Variants in LIPA observed in about 807,000 individuals in gnomAD.
The protein encoded by LIPA is lipase A, lysosomal acid type.
A neutral mutation model predicts 40.6 loss-of-function variants in LIPA; 26 were observed. The observed-to-expected ratio is 0.64, with a 90% confidence interval of 0.47 to 0.89. LIPA has a LOEUF of 0.89. LIPA is among the 40% of genes least tolerant of loss of function. The pLI is 0.00. For synonymous variants in LIPA, 188 were observed against 168.4 expected (o/e 1.12, Z -0.90); for missense variants, 455 against 479.6 (o/e 0.95, Z 0.48).
In LIPA at chr10:89,247,645, T is replaced by G. The variant is rs759457345; in HGVS notation, c.4A>C (p.Lys2Gln). 5 of 1,595,172 alleles carry G rather than the reference T, an allele frequency of 3.1e-6. No homozygotes were observed. The highest frequency in any genetic ancestry group is 3.4e-6 in the Non-Finnish European group (4 of 1,162,902). Residue 2 changes from lysine (K) to glutamine (Q), a missense_variant, in exon 2 of 10, where the codon AAA becomes CAA. Transcript: ENST00000336233. M[K>Q]MRFLGLVVCL... ...ACCACCAACCCCAAGAACCGCATTT[T>G]CATTCTGTATAATAAAACAGTCTAT...
chr10:89,292,526 A>G (rs996913865), intron 1 of LIPA: 4 of 152,274 alleles, frequency 2.6e-5, no homozygotes, highest in Admixed American at 2.0e-4. Flanking sequence ...GGTAAATGGT[A>G]TGGGTGGCAG....
intron 1 of LIPA, among the ~76,000 whole-genome samples, chr10:89,287,886 G>T (rs1034349192): frequency 6.6e-6 from 1 of 151,906 alleles, no homozygotes; most frequent in Non-Finnish European, 1.5e-5. Flanking sequence ...TGCCCAACTC[G>T]TACACTCTTT....
At chr10:89,249,907 A>G (rs528043220) in intron 1 of LIPA, among the ~76,000 whole-genome samples, 56 of 152,202 alleles carry the variant, frequency 3.7e-4, no homozygotes, top group African/African-American at 1.3e-3. Context: ...ATACTCCAAT[A>G]CAGCTGTTTG....
intron 2 of LIPA, among the ~76,000 whole-genome samples, chr10:89,355,874 T>C (rs1288720365): frequency 2.6e-5 from 4 of 152,206 alleles, no homozygotes; most frequent in African/African-American, 9.6e-5. Flanking sequence ...AGTTAACCTA[T>C]ATGGTCTAAA....
upstream of LIPA, among the ~76,000 whole-genome samples, chr10:89,346,333 T>A (rs75548312): frequency 5.7e-3 from 869 of 152,284 alleles, 12 homozygotes; most frequent in African/African-American, 0.02. Context: ...AATCAACTAA[T>A]CTACAAGTCT....
intron 1 of LIPA, among the ~76,000 whole-genome samples, chr10:89,337,148 G>GA (rs1168241039): frequency 6.6e-6 from 1 of 152,140 alleles, no homozygotes; most frequent in Non-Finnish European, 1.5e-5. Flanking sequence ...AAGATGAAGG[G>GA]AAAAATACCT....
At chr10:89,288,520 A>G (rs1017127158) in intron 1 of LIPA, among the ~76,000 whole-genome samples, 1 of 152,218 alleles carries the variant, frequency 6.6e-6, no homozygotes. Flanking sequence ...TTTCTGTCCA[A>G]ACAACCTGAC....
chr10:89,348,839 C>G (rs926690532), intron 2 of LIPA, among the ~76,000 whole-genome samples: 3 of 152,108 alleles, frequency 2.0e-5, no homozygotes, highest in African/African-American at 7.2e-5. Context: ...AAGAAGGAGT[C>G]CCTGCTCCAT....
At chr10:89,227,246 A>G (rs748676985) in intron 4 of LIPA, among the ~76,000 whole-genome samples, 32 of 152,332 alleles carry the variant, frequency 2.1e-4, no homozygotes, top group Admixed American at 4.6e-4. Flanking sequence ...CTGTTTTTAA[A>G]TATTTCTGTA....
At chr10:89,384,204 AC>A in intron 2 of LIPA, 3 of 1,614,204 alleles carry the variant, frequency 1.9e-6, no homozygotes, top group Non-Finnish European at 2.5e-6. Context: ...GCTACAGGGC[AC>A]AAATGATCCA....
chr10:89,349,891 C>T (rs1246428563), intron 2 of LIPA, among the ~76,000 whole-genome samples: 1 of 152,208 alleles, frequency 6.6e-6, no homozygotes, highest in African/African-American at 2.4e-5. Flanking sequence ...TGCCCTACTT[C>T]TGTCTGCCTG....
At chr10:89,237,576 T>A (rs1323980283) in intron 3 of LIPA, among the ~76,000 whole-genome samples, 3 of 151,982 alleles carry the variant, frequency 2.0e-5, no homozygotes, top group Non-Finnish European at 4.4e-5. Flanking sequence ...TGCAGTAGGG[T>A]TGATGGTCAG....
At chr10:89,290,865 G>C (rs983433259) in intron 1 of LIPA, among the ~76,000 whole-genome samples, 1 of 152,232 alleles carries the variant, frequency 6.6e-6, no homozygotes, top group African/African-American at 2.4e-5. Flanking sequence ...CACAAAGCCT[G>C]TTTGGTGGTC....
At chr10:89,383,709 C>G (rs767563469) in intron 2 of LIPA, 1 of 1,614,044 alleles carries the variant, frequency 6.2e-7, no homozygotes, top group East Asian at 2.2e-5. Flanking sequence ...CAAATCCTTC[C>G]CGCTATAGAA....
intron 2 of LIPA, among the ~76,000 whole-genome samples, chr10:89,379,334 G>T (rs1304082406): frequency 2.0e-5 from 3 of 152,104 alleles, no homozygotes; most frequent in African/African-American, 7.2e-5. Flanking sequence ...ACTCTAGGGT[G>T]GGGCCCATCA....
chr10:89,228,545 TA>T, intron 3 of LIPA, 147 bp from the exon 4 acceptor site: 2 of 766,862 alleles, frequency 2.6e-6, no homozygotes, highest in Non-Finnish European at 4.3e-6. Context: ...TGTACTCACA[TA>T]TAATGTTAGT....
intron 3 of LIPA, among the ~76,000 whole-genome samples, chr10:89,242,951 A>G (rs1430753215): frequency 6.6e-6 from 1 of 152,220 alleles, no homozygotes; most frequent in Non-Finnish European, 1.5e-5. Context: ...AAACAGAAGA[A>G]AAAGATGAAC....
At chr10:89,393,845 C>A (rs1423414786) in intron 2 of LIPA, among the ~76,000 whole-genome samples, 1 of 152,194 alleles carries the variant, frequency 6.6e-6, no homozygotes, top group East Asian at 1.9e-4. Context: ...ATGCACATTA[C>A]AGGCCTATGA....
intron 2 of LIPA, among the ~76,000 whole-genome samples, chr10:89,374,343 ACTCT>A (rs10658637): frequency 6.8e-6 from 1 of 147,822 alleles, no homozygotes; most frequent in Non-Finnish European, 1.5e-5. Flanking sequence ...ACACACACAC[ACTCT>A]CTCTCTCTCT....
Sources: allele counts gnomAD v4.1 joint callset (sites outside exome capture counted in the v4.1 genomes callset), GRCh38; gene constraint gnomAD v4.1.1; transcripts MANE v1.5; gene names NCBI Gene and HGNC (gene_info 2026-07-23, HGNC 2026-07-21).